The following TRMT1L variants were observed in gnomAD, a reference collection of about 807,000 sequenced individuals.
The protein encoded by TRMT1L is tRNA methyltransferase 1L.
In TRMT1L, 28 loss-of-function variants were observed where a neutral mutation model predicts 81.6. The ratio of observed to expected loss-of-function variants is 0.34; its 90% confidence interval spans 0.25 to 0.47. The LOEUF (loss-of-function observed/expected upper bound fraction) is 0.47. Among genes scored for constraint, TRMT1L ranks in the 20% least tolerant of loss-of-function variants. The pLI is 1.00. For synonymous variants in TRMT1L, 301 were observed against 303.2 expected (o/e 0.99, Z 0.07); for missense variants, 739 against 877.1 (o/e 0.84, Z 1.99).
At chr1:185,136,801 A>C (rs549478134) in intron 10 of TRMT1L, among the ~76,000 whole-genome samples, 1 of 152,326 alleles carries the variant, frequency 6.6e-6, no homozygotes, top group South Asian at 2.1e-4. Context: ...ATCTAGAAGC[A>C]AACTCAAATA....
chr1:185,134,242 G>A (rs1652842695), intron 10 of TRMT1L, among the ~76,000 whole-genome samples: 1 of 152,082 alleles, frequency 6.6e-6, no homozygotes. Flanking sequence ...GAGTGCAGTG[G>A]CATGATCTCA....
intron 11 of TRMT1L, among the ~76,000 whole-genome samples, chr1:185,126,177 T>G (rs1652623919): frequency 6.6e-6 from 1 of 152,244 alleles, no homozygotes; most frequent in Non-Finnish European, 1.5e-5. Flanking sequence ...GGGATCCTCC[T>G]GCCTCAGCCT....
intron 10 of TRMT1L, among the ~76,000 whole-genome samples, chr1:185,132,289 G>T (rs1240395432): frequency 6.6e-6 from 1 of 151,194 alleles, no homozygotes; most frequent in South Asian, 2.1e-4. Flanking sequence ...AGGCCAAGGA[G>T]GGCGGATCAC....
rs1652586693 is a variant in TRMT1L, at chr1:185,124,958, T to C, written c.1745A>G (p.Asn582Ser). The change falls in exon 12 of 15, where the codon AAT (asparagine) becomes AGT (serine). Residue 582 changes from asparagine (N) to serine (S), a missense_variant. By Grantham distance (46) the Asn-to-Ser change is conservative (BLOSUM62 1). Coordinates refer to ENST00000367506, the MANE Select transcript of TRMT1L (RefSeq NM_030934.5). ...QSQFSIHASS[N>S]VNKQEENGVF... The stretch of plus-strand genomic sequence containing the variant: ...CAGTTAGTCACCTTGCTTGTTGACA[T>C]TTGAAGATGCATGAATTGAAAACTG... 1.9e-6 allele frequency: 3 copies of C among 1,610,668 alleles called. No homozygotes were observed. Among genetic ancestry groups the C allele is most frequent in the South Asian group, 1.1e-5 (1 of 90,354 alleles).
intron 3 of TRMT1L, among the ~76,000 whole-genome samples, chr1:185,149,840 A>T (rs1320141858): frequency 6.6e-6 from 1 of 151,896 alleles, no homozygotes; most frequent in East Asian, 1.9e-4. Flanking sequence ...TTATTCCCTC[A>T]AATTGTGTCA....
At chr1:185,136,163 A>G (rs2102241498) in intron 10 of TRMT1L, among the ~76,000 whole-genome samples, 1 of 152,330 alleles carries the variant, frequency 6.6e-6, no homozygotes, top group South Asian at 2.1e-4. Context: ...TAATCCCAGC[A>G]CTTTGGGAGG....
At chr1:185,140,344 T>C (rs1432198793) in intron 7 of TRMT1L, 122 bp from the exon 8 acceptor site, 2 of 835,746 alleles carry the variant, frequency 2.4e-6, no homozygotes, top group Admixed American at 3.1e-5. Flanking sequence ...TTTTCATGAA[T>C]CTTATTCCTT....
chr1:185,124,785 T>TA (rs992359184), intron 12 of TRMT1L, 159 bp downstream of exon 12: 2,003 of 563,578 alleles, frequency 3.6e-3, no homozygotes, highest in South Asian at 4.2e-3. Context: ...ACTATGTAAT[T>TA]AAAAAAAAAC....
chr1:185,127,465 TAAG>T (rs910942174), intron 11 of TRMT1L, among the ~76,000 whole-genome samples: 3 of 152,076 alleles, frequency 2.0e-5, no homozygotes, highest in African/African-American at 7.2e-5. Flanking sequence ...TGAATTTCTG[TAAG>T]AATCTCGGCC....
intron 11 of TRMT1L, among the ~76,000 whole-genome samples, chr1:185,126,526 T>C (rs566288687): frequency 4.5e-4 from 68 of 152,254 alleles, no homozygotes; most frequent in Non-Finnish European, 9.3e-4. Flanking sequence ...AGCAAATATA[T>C]ATGAAAGAAT....
intron 11 of TRMT1L, among the ~76,000 whole-genome samples, chr1:185,128,450 T>C (rs899485507): frequency 1.3e-5 from 2 of 152,190 alleles, no homozygotes; most frequent in African/African-American, 2.4e-5. Context: ...TTTACCTCCA[T>C]TGCCTCTTAG....
intron 5 of TRMT1L, 38 bp from the exon 6 acceptor site, chr1:185,144,067 A>C (rs749697869): frequency 1.3e-6 from 2 of 1,542,950 alleles, no homozygotes; most frequent in Non-Finnish European, 1.7e-6. Context: ...AGGGAAACAC[A>C]AAATAATTCT....
In TRMT1L at chr1:185,119,908, G is replaced by C; in HGVS notation, c.*111C>G. On this transcript the variant is annotated 3_prime_UTR_variant, in exon 15 of 15. Coordinates refer to ENST00000367506, the MANE Select transcript of TRMT1L (RefSeq NM_030934.5). ...TCAGTTTCTGAATGAAAATGACACT[G>C]TTTTTTATTTTTACTCTACTGAATT... 7.9e-7 allele frequency: 1 copy of C among 1,264,432 alleles called. No homozygotes were observed. The highest frequency in any genetic ancestry group is 2.0e-5 in the South Asian group (1 of 50,580). 78.3% of individuals were successfully genotyped at this position (1,264,432 alleles called of 1,614,324 possible). A position where few individuals can be genotyped will look rare whatever the true frequency, so the allele number is the denominator to read the frequency against.
At chr1:185,143,807 C>G (rs1249977219) in intron 6 of TRMT1L, 99 bp downstream of exon 6, 2 of 1,030,094 alleles carry the variant, frequency 1.9e-6, no homozygotes, top group South Asian at 5.2e-5. Flanking sequence ...TATTCTGCAC[C>G]TAGTTCTAAA....
At chr1:185,139,918 T>A in intron 8 of TRMT1L, 55 bp downstream of exon 8, 2 of 1,541,702 alleles carry the variant, frequency 1.3e-6, no homozygotes, top group Non-Finnish European at 1.7e-6. Context: ...CTACTCCTCG[T>A]CCCCAAAATT....
chr1:185,153,548 G>A (rs1653418125), intron 1 of TRMT1L, among the ~76,000 whole-genome samples: 1 of 152,162 alleles, frequency 6.6e-6, no homozygotes, highest in Admixed American at 6.5e-5. Context: ...ACAGGTTCAG[G>A]GAGGTGTTTC....
intron 13 of TRMT1L, 88 bp downstream of exon 13, chr1:185,123,769 C>T: frequency 1.3e-6 from 1 of 756,910 alleles, no homozygotes; most frequent in South Asian, 2.0e-5. Context: ...AAGTAGGCTA[C>T]CATGGCAATC....
At position 185,156,693 on chromosome 1, in the gene TRMT1L, T is replaced by A; in HGVS notation, c.20A>T (p.Glu7Val). 1.2e-5 allele frequency: 19 copies of A among 1,612,476 alleles called. No homozygotes were observed. The highest frequency in any genetic ancestry group is 1.6e-5 in the Non-Finnish European group (19 of 1,179,780). Residue 7 changes from glutamate to valine, a missense_variant, in exon 1 of 15, where the codon GAG becomes GTG. Around this residue, in one of 4 missense-constraint regions of TRMT1L, gnomAD observed 209 missense variants for 165.4 expected, o/e 1.26. Transcript: ENST00000367506. ...CTCCTTCTCCAGGGGCAGCAGCTCC[T>A]CCTCCGCCATATTCTCCATAGTTAC... is the stretch of plus-strand genomic sequence containing the variant. MENMAE[E>V]ELLPLEKEEV... is the part of the protein sequence containing the mutation.
chr1:185,138,325 T>C (rs1313955050), intron 9 of TRMT1L, among the ~76,000 whole-genome samples: 5 of 152,188 alleles, frequency 3.3e-5, no homozygotes, highest in Non-Finnish European at 4.4e-5. Context: ...ATTTAATTTA[T>C]ATATATTACT....
Sources: allele counts gnomAD v4.1 joint callset (sites outside exome capture counted in the v4.1 genomes callset), GRCh38; gene constraint gnomAD v4.1.1; regional missense constraint gnomAD v4.1.1; transcripts MANE v1.5; gene names NCBI Gene and HGNC (gene_info 2026-07-23, HGNC 2026-07-21).